Variants in LRMDA observed in about 807,000 individuals in gnomAD.
LRMDA encodes the protein leucine rich melanocyte differentiation associated.
In LRMDA, 18 loss-of-function variants were observed where a neutral mutation model predicts 29.8. That is an observed-to-expected ratio of 0.60 (90% CI 0.42 to 0.90). LRMDA has a LOEUF of 0.90. LRMDA is among the 40% of genes least tolerant of loss of function. The probability of loss-of-function intolerance (pLI) is 0.00; values close to 1 mark genes in which losing one functional copy is unlikely to be tolerated. For missense variants in LRMDA, 273 were observed against 273.9 expected (o/e 1.00, Z 0.02); for synonymous variants, 125 against 109.4 (o/e 1.14, Z -0.89).
At chr10:76,255,609 T>A (rs1341836928) in intron 5 of LRMDA, among the ~76,000 whole-genome samples, 1 of 152,210 alleles carries the variant, frequency 6.6e-6, no homozygotes, top group Admixed American at 6.5e-5. Context: ...ATATCTTTCC[T>A]CAACCAAGAA....
intron 2 of LRMDA, among the ~76,000 whole-genome samples, chr10:75,464,727 C>T (rs1020014945): frequency 1.3e-5 from 2 of 152,122 alleles, no homozygotes; most frequent in African/African-American, 4.8e-5. Flanking sequence ...ATGGAATAGA[C>T]CCCCAGCAAA....
intron 6 of LRMDA, among the ~76,000 whole-genome samples, chr10:76,440,793 T>C (rs1052604754): frequency 6.6e-6 from 1 of 152,182 alleles, no homozygotes; most frequent in African/African-American, 2.4e-5. Flanking sequence ...CTATAGTTCA[T>C]ATCTGTCATA....
chr10:75,853,433 G>GTGTGTGT (rs1844766533), intron 2 of LRMDA, among the ~76,000 whole-genome samples: 24 of 147,606 alleles, frequency 1.6e-4, no homozygotes, highest in African/African-American at 5.7e-4. Context: ...AAAGAAGAGG[G>GTGTGTGT]GTGTGTGTGT....
chr10:75,533,524 T>A (rs1276170199), intron 2 of LRMDA, among the ~76,000 whole-genome samples: 1 of 152,226 alleles, frequency 6.6e-6, no homozygotes, highest in Admixed American at 6.5e-5. Flanking sequence ...CTGGGCATAC[T>A]CATATTTATT....
At chr10:75,448,270 C>T (rs573075153) in intron 2 of LRMDA, among the ~76,000 whole-genome samples, 1 of 152,318 alleles carries the variant, frequency 6.6e-6, no homozygotes, top group East Asian at 1.9e-4. Flanking sequence ...CCCTCTCACC[C>T]ATTTTACTGT....
intron 2 of LRMDA, among the ~76,000 whole-genome samples, chr10:75,886,289 G>C (rs1845386067): frequency 6.6e-6 from 1 of 152,184 alleles, no homozygotes; most frequent in Non-Finnish European, 1.5e-5. Context: ...TTGTTTGGCT[G>C]AACAGTGTAT....
intron 2 of LRMDA, among the ~76,000 whole-genome samples, chr10:75,895,379 A>G (rs1402919136): frequency 6.6e-6 from 1 of 152,200 alleles, no homozygotes; most frequent in Non-Finnish European, 1.5e-5. Flanking sequence ...GCTGTCCTTT[A>G]CATCTATCAT....
chr10:75,640,685 G>A (rs1052274701), intron 2 of LRMDA, among the ~76,000 whole-genome samples: 3 of 152,330 alleles, frequency 2.0e-5, no homozygotes, highest in South Asian at 2.1e-4. Context: ...AGGCTGGGGA[G>A]TGTCTGTTGC....
intron 2 of LRMDA, among the ~76,000 whole-genome samples, chr10:75,690,965 C>T (rs748947587): frequency 3.1e-4 from 39 of 125,714 alleles, no homozygotes; most frequent in Admixed American, 5.4e-4. Context: ...AAGACCCTGT[C>T]TCTTAAAAAA....
At chr10:76,530,673 T>C (rs188536097) in intron 6 of LRMDA, among the ~76,000 whole-genome samples, 1 of 152,304 alleles carries the variant, frequency 6.6e-6, no homozygotes, top group African/African-American at 2.4e-5. Context: ...CCATGAAATG[T>C]CTTTCAGTTG....
intron 2 of LRMDA, among the ~76,000 whole-genome samples, chr10:75,477,614 C>G (rs1204051556): frequency 2.6e-5 from 4 of 152,198 alleles, no homozygotes; most frequent in Non-Finnish European, 5.9e-5. Context: ...AGCCAAGTCC[C>G]CAGGCGCAAC....
intron 6 of LRMDA, among the ~76,000 whole-genome samples, chr10:76,515,731 C>G (rs1297795330): frequency 1.3e-5 from 2 of 152,114 alleles, no homozygotes; most frequent in African/African-American, 4.8e-5. Flanking sequence ...TCTTGAACTC[C>G]TGGACTCAAG....
chr10:75,986,016 T>C (rs550776329), intron 2 of LRMDA, among the ~76,000 whole-genome samples: 1 of 152,342 alleles, frequency 6.6e-6, no homozygotes, highest in African/African-American at 2.4e-5. Flanking sequence ...CATTTTAAAT[T>C]CAGAGCATCC....
At chr10:75,722,646 T>C (rs917149960) in intron 2 of LRMDA, among the ~76,000 whole-genome samples, 3 of 152,130 alleles carry the variant, frequency 2.0e-5, no homozygotes, top group African/African-American at 7.2e-5. Context: ...TAGGGCGATG[T>C]TTAGTATATG....
chr10:75,550,106 G>A (rs1299949950), intron 2 of LRMDA, among the ~76,000 whole-genome samples: 7 of 152,126 alleles, frequency 4.6e-5, no homozygotes, highest in Non-Finnish European at 8.8e-5. Flanking sequence ...ATAAACATTT[G>A]CTCAGAAACT....
chr10:76,204,230 T>C (rs145824594), intron 5 of LRMDA, among the ~76,000 whole-genome samples: 2,186 of 149,560 alleles, frequency 0.015, 57 homozygotes, highest in African/African-American at 0.049. Flanking sequence ...CTCTATTCCA[T>C]GTGCCCGTCC....
rs1406971251 is a variant in LRMDA at position 76,558,061 on chromosome 10, A to C, written c.*773A>C. ...AACTCTAAATCCACTTCTTGCCCTG[A>C]ATATGATGCAGTGTAAGGCATAAGG... On this transcript the variant is annotated 3_prime_UTR_variant, in exon 7 of 7. Transcript: ENST00000611255. 2 of 152,232 alleles carry C rather than the reference A, an allele frequency of 1.3e-5. No homozygotes were observed. Among genetic ancestry groups the C allele is most frequent in the African/African-American group, 4.8e-5 (2 of 41,442 alleles). 9.4% of individuals were successfully genotyped at this position (152,232 alleles called of 1,614,324 possible).
chr10:75,866,092 T>A (rs1163484103), intron 2 of LRMDA, among the ~76,000 whole-genome samples: 1 of 152,198 alleles, frequency 6.6e-6, no homozygotes, highest in Non-Finnish European at 1.5e-5. Flanking sequence ...TCTATTCAAT[T>A]TTTTCCCCTC....
rs1249229458 is a variant in LRMDA at position 75,888,145 on chromosome 10, C to T, written c.132-147863C>T. 2.6e-5 allele frequency among the ~76,000 whole-genome samples: 4 copies of T among 152,286 alleles called. No individual in the cohort carries two copies. In the East Asian group the frequency reaches 7.7e-4, roughly 29 times the overall value. The stretch of plus-strand genomic sequence containing the variant: ...TAATCGTTGTCCAACAGCCAAGAGG[C>T]TCCTGAAGAATATGACCAAAGGCCA... On this transcript the variant is annotated intron_variant, in intron 2 of 6. Coordinates refer to ENST00000611255, the MANE Select transcript of LRMDA (RefSeq NM_001305581.2).
Sources: gnomAD v4.1 joint callset for allele counts (sites outside exome capture counted in the v4.1 genomes callset) on GRCh38, gnomAD v4.1.1 for gene constraint, MANE v1.5 for transcripts, NCBI Gene and HGNC (gene_info 2026-07-23, HGNC 2026-07-21) for gene names.